GUCY1A1: variants seen among roughly 807,000 people sequenced by gnomAD.
GUCY1A1 encodes guanylate cyclase 1 soluble subunit alpha 1.
Under a neutral mutation model 64.5 loss-of-function variants are expected in GUCY1A1, and 48 were observed. The ratio of observed to expected loss-of-function variants is 0.74; its 90% CI spans 0.59 to 0.95. The LOEUF (loss-of-function observed/expected upper bound fraction) is 0.95, where lower values mean the gene tolerates loss of function less well. GUCY1A1 is among the 40% of genes least tolerant of loss of function. The probability of loss-of-function intolerance (pLI) is 0.00; values close to 1 mark genes in which losing one functional copy is unlikely to be tolerated. For synonymous variants in GUCY1A1, 308 were observed against 303.4 expected, an observed-to-expected ratio of 1.02 and a Z score of -0.16; for missense variants, 804 against 825.3, an observed-to-expected ratio of 0.97 and a Z score of 0.32.
chr4:155,675,191 T>C (rs1734734689), intron 2 of GUCY1A1, among the ~76,000 whole-genome samples: 1 of 151,672 alleles, frequency 6.6e-6, no homozygotes, highest in South Asian at 2.1e-4. Context: ...TCAAATATGC[T>C]CATTATAAGC....
chr4:155,703,370 A>G (rs1369752546), intron 3 of GUCY1A1, among the ~76,000 whole-genome samples: 1 of 152,236 alleles, frequency 6.6e-6, no homozygotes, highest in Non-Finnish European at 1.5e-5. Context: ...TAAGAGATCA[A>G]AAAAGGAAGA....
intron 7 of GUCY1A1, among the ~76,000 whole-genome samples, chr4:155,715,435 A>G (rs936902255): frequency 6.6e-6 from 1 of 152,078 alleles, no homozygotes; most frequent in Non-Finnish European, 1.5e-5. Context: ...TTCAGCGAAT[A>G]TGTACTGGTT....
intron 4 of GUCY1A1, 129 bp from the exon 5 acceptor site, chr4:155,708,107 G>C (rs923937613): frequency 5.6e-6 from 3 of 531,518 alleles, no homozygotes; most frequent in Non-Finnish European, 6.9e-6. Flanking sequence ...AAAGTGCTGG[G>C]ATTACAGGCG....
chr4:155,679,581 T>C (rs1344544614), intron 2 of GUCY1A1, among the ~76,000 whole-genome samples: 2 of 152,116 alleles, frequency 1.3e-5, no homozygotes, highest in Non-Finnish European at 2.9e-5. Context: ...GAGCAAGAAC[T>C]CACTGGCTAT....
At chr4:155,687,155 T>C (rs773653966) in intron 2 of GUCY1A1, among the ~76,000 whole-genome samples, 41 of 152,334 alleles carry the variant, frequency 2.7e-4, no homozygotes, top group Non-Finnish European at 5.6e-4. Flanking sequence ...ATTTATTTAA[T>C]AACTTATGTC....
At position 155,710,918 on chromosome 4, in the gene GUCY1A1, C is replaced by T; in HGVS notation, c.753C>T (p.Pro251=). ...ATTGCAGCGAGTTTGTGAATCAGCCCTACTTGTTGTACTCCGTTCACATGA... is the reference window on the plus strand; with the variant it reads ...ATTGCAGCGAGTTTGTGAATCAGCCTTACTTGTTGTACTCCGTTCACATGA... ...HNDCSEFVNQ[P]YLLYSVHMKS... is the part of the protein sequence containing the mutation. The change falls in exon 6 of 10, where the codon CCC becomes CCT. Residue 251 remains proline, a synonymous_variant. Coordinates refer to ENST00000506455, the MANE Select transcript of GUCY1A1 (RefSeq NM_001130682.3). 1 of 1,614,056 alleles carries T rather than the reference C, an allele frequency of 6.2e-7. No individual in the cohort carries two copies. Among genetic ancestry groups the T allele is most frequent in the Non-Finnish European group, 8.5e-7 (1 of 1,179,938 alleles).
At chr4:155,682,792 A>T (rs1262879212) in intron 2 of GUCY1A1, among the ~76,000 whole-genome samples, 1 of 151,776 alleles carries the variant, frequency 6.6e-6, no homozygotes, top group Non-Finnish European at 1.5e-5. Context: ...TTGTCCTTTT[A>T]TGAAACAGTA....
At chr4:155,720,347 C>G (rs1236159450) in intron 8 of GUCY1A1, among the ~76,000 whole-genome samples, 1 of 107,786 alleles carries the variant, frequency 9.3e-6, no homozygotes, top group Non-Finnish European at 2.2e-5. Flanking sequence ...TTCTATCTAT[C>G]TATCTATCTA....
Position 155,697,022 on chromosome 4 carries a change from A to G in GUCY1A1, c.155A>G (p.Glu52Gly). 6.2e-7 allele frequency: 1 copy of G among 1,613,046 alleles called. No individual in the cohort carries two copies. Among genetic ancestry groups the G allele is most frequent in the Non-Finnish European group, 8.5e-7 (1 of 1,179,016 alleles). ...GTGCCCATCTGTCAAGACATTCCTG[A>G]GAAGAACATACAAGAAAGTCTTCCT... ...ATVPICQDIP[E>G]KNIQESLPQR... The change falls in exon 3 of 10, where the codon GAG becomes GGG. Residue 52 changes from glutamate to glycine, a missense_variant. Coordinates refer to ENST00000506455, the MANE Select transcript of GUCY1A1 (RefSeq NM_001130682.3).
At chr4:155,724,335 C>T (rs1206426060) in intron 9 of GUCY1A1, among the ~76,000 whole-genome samples, 1 of 152,094 alleles carries the variant, frequency 6.6e-6, no homozygotes, top group Non-Finnish European at 1.5e-5. Flanking sequence ...TTCCTTGTTT[C>T]CAAGTCCGGC....
chr4:155,689,966 A>G (rs1729522973), intron 2 of GUCY1A1, among the ~76,000 whole-genome samples: 1 of 152,322 alleles, frequency 6.6e-6, no homozygotes, highest in South Asian at 2.1e-4. Context: ...ATGTAGATGC[A>G]GTCCGTTAGG....
intron 5 of GUCY1A1, among the ~76,000 whole-genome samples, chr4:155,709,248 A>C (rs1458275874): frequency 6.6e-6 from 1 of 152,172 alleles, no homozygotes; most frequent in African/African-American, 2.4e-5. Flanking sequence ...ATCTGCCACC[A>C]AAGGCTCTGC....
rs1730467803 is a variant in GUCY1A1 at position 155,696,806 on chromosome 4, T to C, written c.-62T>C. 5 of 1,498,676 alleles carry C rather than the reference T, an allele frequency of 3.3e-6. No homozygotes were observed. The East Asian group carries it at 1.1e-4, about 34-fold the overall frequency. The allele number at this position is 1,498,676 out of a possible 1,614,324, so 92.8% of individuals were successfully genotyped here. ...ATTGATAGTGGCTTCTGTTTGTCAG[T>C]CTCATATAAGAACTACAGCTCATCA... is the stretch of plus-strand genomic sequence containing the variant. On this transcript the variant is annotated 5_prime_UTR_variant, in exon 3 of 10. Transcript: ENST00000506455.
chr4:155,699,119 C>T (rs1444084996), intron 3 of GUCY1A1, among the ~76,000 whole-genome samples: 3 of 151,830 alleles, frequency 2.0e-5, no homozygotes, highest in African/African-American at 2.4e-5. Context: ...CCTGATTTTT[C>T]GTGTCCCTTG....
At chr4:155,707,979 T>G (rs1428114424) in intron 4 of GUCY1A1, among the ~76,000 whole-genome samples, 1 of 151,862 alleles carries the variant, frequency 6.6e-6, no homozygotes, top group Non-Finnish European at 1.5e-5. Context: ...GCTGGGATTA[T>G]AGGCACACGC....
chr4:155,705,364 C>G (rs930056027), intron 4 of GUCY1A1, among the ~76,000 whole-genome samples: 1 of 151,940 alleles, frequency 6.6e-6, no homozygotes, highest in African/African-American at 2.4e-5. Flanking sequence ...GACTGGCCAA[C>G]ATGGCGAAAC....
At position 155,730,269 on chromosome 4, in the gene GUCY1A1, C is replaced by T; in HGVS notation, c.*38C>T. On this transcript the variant is annotated 3_prime_UTR_variant, in exon 10 of 10. Transcript: ENST00000506455. ...CTATTTATAAGTCTTTGGGGTTTGA[C>T]TCATTGAAGATGTGTAGAGCCTCTG... 2 of 1,349,644 alleles carry T rather than the reference C, an allele frequency of 1.5e-6. No individual in the cohort carries two copies. Among genetic ancestry groups the T allele is most frequent in the Middle Eastern group, 1.8e-4 (1 of 5,462 alleles). The allele number at this position is 1,349,644 out of a possible 1,614,324, so 83.6% of individuals were successfully genotyped here.
intron 4 of GUCY1A1, among the ~76,000 whole-genome samples, 175 bp from the exon 5 acceptor site, chr4:155,708,061 A>T (rs902118377): frequency 2.7e-5 from 4 of 149,454 alleles, no homozygotes; most frequent in African/African-American, 9.9e-5. Flanking sequence ...CTGCTCTTGA[A>T]CTCCTGACCT....
intron 2 of GUCY1A1, among the ~76,000 whole-genome samples, chr4:155,692,256 C>T (rs567258052): frequency 1.3e-5 from 2 of 152,020 alleles, no homozygotes; most frequent in African/African-American, 2.4e-5. Flanking sequence ...AACAAACATA[C>T]GTGTGCATGT....
Sources: allele counts gnomAD v4.1 joint callset (sites outside exome capture counted in the v4.1 genomes callset), GRCh38; gene constraint gnomAD v4.1.1; transcripts MANE v1.5; gene names NCBI Gene and HGNC (gene_info 2026-07-23, HGNC 2026-07-21).